The following SLC9B2 variants were observed in gnomAD, a reference collection of about 807,000 sequenced individuals.
SLC9B2 encodes solute carrier family 9 member B2.
Under a neutral mutation model 52.2 loss-of-function variants are expected in SLC9B2, and 39 were observed. The observed-to-expected ratio is 0.75, with a 90% confidence interval of 0.58 to 0.98. The LOEUF (loss-of-function observed/expected upper bound fraction) is 0.98, where lower values mean the gene tolerates loss of function less well. SLC9B2 is among the 50% of genes least tolerant of loss of function. The pLI is 0.00. For missense variants in SLC9B2, 626 were observed against 637.5 expected (o/e 0.98, Z 0.19); for synonymous variants, 214 against 227.0 (o/e 0.94, Z 0.51).
chr4:103,063,406 A>G (rs944686810), intron 3 of SLC9B2, among the ~76,000 whole-genome samples: 1 of 152,226 alleles, frequency 6.6e-6, no homozygotes, highest in Non-Finnish European at 1.5e-5. Context: ...CCCAGATGAT[A>G]ATGGTAAACA....
Position 103,025,433 on chromosome 4 carries a change from G to A in SLC9B2, c.*937C>T, listed in dbSNP as rs1742110019. 1 of 152,142 alleles carries A rather than the reference G, an allele frequency of 6.6e-6. No individual in the cohort carries two copies. Among genetic ancestry groups the A allele is most frequent in the Non-Finnish European group, 1.5e-5 (1 of 68,020 alleles). 9.4% of individuals were successfully genotyped at this position (152,142 alleles called of 1,614,324 possible). On this transcript the variant is annotated 3_prime_UTR_variant, in exon 12 of 12. Transcript: ENST00000394785. ...AGAGCTTCAGGACAGAAAGACATGG[G>A]ACTCTGAGCAGACCTCATAAGCAGA... is the stretch of plus-strand genomic sequence containing the variant.
intron 3 of SLC9B2, among the ~76,000 whole-genome samples, chr4:103,062,497 AGTT>A (rs1434911779): frequency 6.6e-6 from 1 of 152,216 alleles, no homozygotes; most frequent in Non-Finnish European, 1.5e-5. Context: ...CTTGAAACAC[AGTT>A]GTAAATACAT....
chr4:103,056,896 A>G (rs1379105803), intron 4 of SLC9B2, among the ~76,000 whole-genome samples: 1 of 152,236 alleles, frequency 6.6e-6, no homozygotes, highest in African/African-American at 2.4e-5. Flanking sequence ...CAGTGTTACC[A>G]TGAATGTTGG....
downstream of SLC9B2, chr4:103,019,900 G>A: frequency 6.1e-6 from 6 of 986,604 alleles, no homozygotes; most frequent in Non-Finnish European, 7.2e-6. Context: ...AGAAATCCAG[G>A]GACAGAGTTG....
chr4:103,033,310 C>T (rs1285195389), intron 9 of SLC9B2, among the ~76,000 whole-genome samples: 1 of 152,056 alleles, frequency 6.6e-6, no homozygotes, highest in East Asian at 1.9e-4. Context: ...AACCCAGAGA[C>T]AGCATCATCA....
At chr4:103,019,754 G>C (rs951060377), downstream of SLC9B2, 21 of 985,482 alleles carry the variant, frequency 2.1e-5, no homozygotes, top group South Asian at 1.4e-4. Context: ...AGGCGGCAGC[G>C]CGTTTAAGTG....
At position 103,066,318 on chromosome 4, in the gene SLC9B2, C is replaced by A; in HGVS notation, c.271+9G>T. 1.2e-6 allele frequency: 2 copies of A among 1,605,734 alleles called. No homozygotes were observed. The highest frequency in any genetic ancestry group is 1.7e-6 in the Non-Finnish European group (2 of 1,175,022). On this transcript the variant is annotated intron_variant, in intron 3 of 11. Transcript: ENST00000394785. ...ATCTTTTGCCATCTCTTTCTGAATTCATCCTTACCATTTGTTATGACCCTG... is the reference window on the plus strand; with the variant it reads ...ATCTTTTGCCATCTCTTTCTGAATTAATCCTTACCATTTGTTATGACCCTG...
At chr4:103,071,298 G>A (rs1340436077) in intron 1 of SLC9B2, among the ~76,000 whole-genome samples, 1 of 151,776 alleles carries the variant, frequency 6.6e-6, no homozygotes, top group African/African-American at 2.4e-5. Flanking sequence ...CCGCCTCCTC[G>A]GTTCAAGTGA....
chr4:103,019,916 A>G (rs1560535823), downstream of SLC9B2: 2 of 987,412 alleles, frequency 2.0e-6, no homozygotes, highest in Non-Finnish European at 2.4e-6. Flanking sequence ...AGTTGACATC[A>G]CTGGGCATTT....
chr4:103,028,647 T>A, intron 11 of SLC9B2, 100 bp downstream of exon 11: 1 of 1,366,864 alleles, frequency 7.3e-7, no homozygotes, highest in Non-Finnish European at 9.9e-7. Flanking sequence ...CCACTTCAAT[T>A]ATTTATTTTC....
Position 103,028,873 on chromosome 4 carries a change from A to T in SLC9B2, c.1266T>A (p.Val422=). The T allele has an allele frequency of 6.3e-7, 1 of 1,584,116 alleles. No individual in the cohort carries two copies. Among genetic ancestry groups the T allele is most frequent in the African/African-American group, 1.4e-5 (1 of 72,748 alleles). The change falls in exon 11 of 12, where the codon GTT becomes GTA. Residue 422 remains valine (V), a synonymous_variant. Coordinates refer to ENST00000394785, the MANE Select transcript of SLC9B2 (RefSeq NM_178833.7). ...TCAATACTGCAATGCCTACGGTGGC[A>T]ACACAAAGGCCTGTAAGAAATATTC... is the stretch of plus-strand genomic sequence containing the variant. ...SLRPETVGLC[V]ATVGIAVLIR...
At chr4:103,065,001 T>A (rs1381822245) in intron 3 of SLC9B2, among the ~76,000 whole-genome samples, 3 of 151,902 alleles carry the variant, frequency 2.0e-5, no homozygotes, top group South Asian at 4.2e-4. Flanking sequence ...GGTGGGAGGA[T>A]CCCTTGAGCT....
intron 4 of SLC9B2, among the ~76,000 whole-genome samples, chr4:103,053,647 G>A (rs754474460): frequency 8.5e-5 from 13 of 152,062 alleles, no homozygotes; most frequent in Admixed American, 3.3e-4. Flanking sequence ...CTGATGTCCA[G>A]GCCATATTCC....
At chr4:103,070,507 C>T (rs1746522583) in intron 1 of SLC9B2, among the ~76,000 whole-genome samples, 2 of 152,334 alleles carry the variant, frequency 1.3e-5, no homozygotes, top group Middle Eastern at 3.4e-3. Flanking sequence ...GTGGCATGAT[C>T]CTAGCTCACT....
chr4:103,045,532 A>G (rs114375866), intron 7 of SLC9B2, among the ~76,000 whole-genome samples: 1,546 of 151,110 alleles, frequency 0.01, 31 homozygotes, highest in African/African-American at 0.035. Context: ...AAAAAAAAAA[A>G]GTCTTGGGCC....
rs138052786 is a variant in SLC9B2 at position 103,033,774 on chromosome 4, A to G, written c.1147-1966T>C. Among the ~76,000 whole-genome samples the G allele has an allele frequency of 1.9e-3, 296 of 152,294 alleles. 1 individual carries two copies. The highest frequency in any genetic ancestry group is 6.5e-3 in the African/African-American group (272 of 41,560). ...ACCAGGGAGGTAAAAAATCTCTACA[A>G]TGAGAATTACAAAACACTGCTGAAA... On this transcript the variant is annotated intron_variant, in intron 9 of 11. Transcript: ENST00000394785.
At position 103,065,182 on chromosome 4, in the gene SLC9B2, A is replaced by G. The variant is rs936626081; in HGVS notation, c.271+1145T>C. Among the ~76,000 whole-genome samples the G allele has an allele frequency of 2.2e-5, 3 of 135,364 alleles. No individual in the cohort carries two copies. The East Asian group carries it at 6.1e-4, about 28-fold the overall frequency. 88.8% of individuals were successfully genotyped at this position (135,364 alleles called of 152,430 possible). On this transcript the variant is annotated intron_variant, in intron 3 of 11. Transcript: ENST00000394785. ...TGAAAAAAAAAATGTACACACACGC[A>G]CACACACACACACACACACACACAC...
At chr4:103,046,918 G>C in intron 7 of SLC9B2, 133 bp downstream of exon 7, 1 of 1,056,376 alleles carries the variant, frequency 9.5e-7, no homozygotes, top group Non-Finnish European at 1.4e-6. Flanking sequence ...CTTAGGTACA[G>C]AACTCTTAGT....
intron 3 of SLC9B2, among the ~76,000 whole-genome samples, chr4:103,063,353 T>A (rs1007115646): frequency 6.6e-6 from 1 of 152,178 alleles, no homozygotes; most frequent in Admixed American, 6.5e-5. Flanking sequence ...TAAAAACACA[T>A]CTAGAGCCTA....
Sources: allele counts gnomAD v4.1 joint callset (sites outside exome capture counted in the v4.1 genomes callset), GRCh38; gene constraint gnomAD v4.1.1; transcripts MANE v1.5; gene names NCBI Gene and HGNC (gene_info 2026-07-23, HGNC 2026-07-21).